The following ATP10D variants were observed in gnomAD, a reference collection of about 807,000 sequenced individuals.
ATP10D encodes phospholipid-transporting ATPase VD.
ATP10D carries 89 observed loss-of-function variants against 144.8 expected under a neutral mutation model. That is an observed-to-expected ratio of 0.61 (90% CI 0.52 to 0.73). ATP10D has a LOEUF of 0.73. ATP10D is among the 30% of genes least tolerant of loss of function. The pLI is 0.00. For missense variants in ATP10D, 1,603 were observed against 1,714.8 expected, an observed-to-expected ratio of 0.93 and a Z score of 1.15; for synonymous variants, 571 against 615.1, an observed-to-expected ratio of 0.93 and a Z score of 1.06.
chr4:47,513,043 A>G (rs2109400985), intron 2 of ATP10D, among the ~76,000 whole-genome samples: 1 of 152,318 alleles, frequency 6.6e-6, no homozygotes, highest in East Asian at 1.9e-4. Context: ...CAGAAAAGAT[A>G]TTGTAATTCA....
In ATP10D at chr4:47,535,959, TAGAA is replaced by T. The variant is rs1717825162; in HGVS notation, c.946_949del (p.Arg316GlufsTer15). The T allele has an allele frequency of 1.2e-6, 2 of 1,613,152 alleles. No individual in the cohort carries two copies. The highest frequency in any genetic ancestry group is 2.2e-5 in the South Asian group (2 of 91,046). On this transcript the variant is annotated frameshift_variant, in exon 7 of 23. Transcript: ENST00000273859. LOFTEE classifies it high-confidence loss of function. Reference sequence around the variant, plus strand: ...GGGCCACGGTATAAGCGCAGCAAATTAGAAAGAAGAGCAAACACAGATGTCCTCT... The same window carrying T: ...GGGCCACGGTATAAGCGCAGCAAATTAGAAGAGCAAACACAGATGTCCTCT...
chr4:47,569,682 A>G (rs925738633), intron 16 of ATP10D, among the ~76,000 whole-genome samples: 1 of 152,204 alleles, frequency 6.6e-6, no homozygotes, highest in African/African-American at 2.4e-5. Flanking sequence ...TCAGGTAGTG[A>G]TAAGTACTAT....
chr4:47,529,191 G>A (rs1355679460), intron 5 of ATP10D, among the ~76,000 whole-genome samples: 3 of 152,132 alleles, frequency 2.0e-5, no homozygotes, highest in Non-Finnish European at 4.4e-5. Flanking sequence ...TGCTTTCGAA[G>A]TCTTAATCAT....
intron 15 of ATP10D, among the ~76,000 whole-genome samples, chr4:47,565,376 C>A (rs1410628732): frequency 6.6e-6 from 1 of 152,198 alleles, no homozygotes; most frequent in Non-Finnish European, 1.5e-5. Flanking sequence ...CCCATAACCA[C>A]AACCACCAGC....
rs1368019013 is a variant in ATP10D at position 47,572,195 on chromosome 4, A to G, written c.3205A>G (p.Ile1069Val). 1 of 1,614,018 alleles carries G rather than the reference A, an allele frequency of 6.2e-7. No individual in the cohort carries two copies. The highest frequency in any genetic ancestry group is 2.2e-5 in the East Asian group (1 of 44,884). Reference protein sequence around the residue: ...NDVSMIQVADIGIGVSGQEGM... With the variant: ...NDVSMIQVADVGIGVSGQEGM... ...TGTTAGCATGATACAAGTGGCAGAC[A>G]TTGGGATAGGGGTCTCAGGTCAAGA... Residue 1069 changes from isoleucine to valine, a missense_variant, in exon 17 of 23, where the codon ATT becomes GTT. Coordinates refer to ENST00000273859, the MANE Select transcript of ATP10D (RefSeq NM_020453.4).
intron 17 of ATP10D, among the ~76,000 whole-genome samples, chr4:47,572,585 G>A (rs539525260): frequency 6.6e-6 from 1 of 151,832 alleles, no homozygotes; most frequent in Non-Finnish European, 1.5e-5. Context: ...GGGAAAAAAA[G>A]GGAAAGAAGA....
chr4:47,489,602 G>C (rs1714969167), intron 1 of ATP10D, among the ~76,000 whole-genome samples: 1 of 152,114 alleles, frequency 6.6e-6, no homozygotes, highest in Admixed American at 6.6e-5. Flanking sequence ...CTAGTATAAA[G>C]AGCACATATA....
intron 22 of ATP10D, among the ~76,000 whole-genome samples, chr4:47,590,781 T>C (rs577117079): frequency 6.6e-6 from 1 of 152,120 alleles, no homozygotes. Context: ...ATATCTCTAC[T>C]TTTATAGATG....
chr4:47,544,934 T>A (rs2109433199), intron 9 of ATP10D, among the ~76,000 whole-genome samples: 1 of 152,322 alleles, frequency 6.6e-6, no homozygotes, highest in South Asian at 2.1e-4. Flanking sequence ...CTCATAGAGT[T>A]TCTATTAGAG....
intron 22 of ATP10D, among the ~76,000 whole-genome samples, chr4:47,589,433 C>G (rs1720929857): frequency 2.0e-5 from 3 of 152,088 alleles, no homozygotes; most frequent in Admixed American, 2.0e-4. Context: ...TGGGCAGAGG[C>G]AGGATGAATT....
At chr4:47,496,526 T>C (rs1715385040) in intron 1 of ATP10D, among the ~76,000 whole-genome samples, 1 of 152,170 alleles carries the variant, frequency 6.6e-6, no homozygotes, top group Non-Finnish European at 1.5e-5. Context: ...TTTTAGAGCA[T>C]ATTATCCTAT....
chr4:47,521,590 A>C (rs1398137717), intron 3 of ATP10D, among the ~76,000 whole-genome samples: 1 of 152,216 alleles, frequency 6.6e-6, no homozygotes, highest in Admixed American at 6.5e-5. Flanking sequence ...GTTGGCAAAC[A>C]GAAGTATGGT....
chr4:47,552,361 A>G (rs1560440521), intron 10 of ATP10D, among the ~76,000 whole-genome samples: 1 of 152,104 alleles, frequency 6.6e-6, no homozygotes, highest in Non-Finnish European at 1.5e-5. Flanking sequence ...ACAGAAATTT[A>G]TTTTTCACAG....
intron 1 of ATP10D, among the ~76,000 whole-genome samples, chr4:47,502,267 C>T (rs1057502525): frequency 2.6e-5 from 4 of 152,148 alleles, no homozygotes; most frequent in African/African-American, 7.2e-5. Flanking sequence ...GAGGTCAGAT[C>T]GAGACCATCC....
chr4:47,500,146 G>A (rs1244401336), intron 1 of ATP10D, among the ~76,000 whole-genome samples: 1 of 152,186 alleles, frequency 6.6e-6, no homozygotes, highest in East Asian at 1.9e-4. Flanking sequence ...TCTACTCATT[G>A]CCTGATATTA....
At chr4:47,544,319 G>A (rs1015725505) in intron 9 of ATP10D, among the ~76,000 whole-genome samples, 1 of 152,180 alleles carries the variant, frequency 6.6e-6, no homozygotes, top group African/African-American at 2.4e-5. Flanking sequence ...GTAAGAGTCA[G>A]TATAGCTACA....
intron 3 of ATP10D, among the ~76,000 whole-genome samples, chr4:47,521,689 T>A (rs1716952622): frequency 6.6e-6 from 1 of 152,168 alleles, no homozygotes; most frequent in Non-Finnish European, 1.5e-5. Context: ...AGGACCGAAC[T>A]GTCAAAATAA....
chr4:47,571,348 A>G (rs1719942499), intron 16 of ATP10D, among the ~76,000 whole-genome samples: 1 of 149,062 alleles, frequency 6.7e-6, no homozygotes, highest in Non-Finnish European at 1.5e-5. Flanking sequence ...TATGTAATAT[A>G]TAACAATTAT....
chr4:47,510,115 C>T (rs907024123), intron 1 of ATP10D, among the ~76,000 whole-genome samples: 1 of 151,952 alleles, frequency 6.6e-6, no homozygotes, highest in Non-Finnish European at 1.5e-5. Context: ...AAATTTTAAA[C>T]TAGCAATTTG....
Sources: allele counts gnomAD v4.1 joint callset (sites outside exome capture counted in the v4.1 genomes callset), GRCh38; gene constraint gnomAD v4.1.1; transcripts MANE v1.5; gene names NCBI Gene and HGNC (gene_info 2026-07-23, HGNC 2026-07-21).